DCAF1: variants seen among roughly 807,000 people sequenced by gnomAD.
DCAF1 encodes the protein DDB1 and CUL4 associated factor 1, also known as DDB1- and CUL4-associated factor 1.
A neutral mutation model predicts 128.0 loss-of-function variants in DCAF1; 15 were observed. The ratio of observed to expected loss-of-function variants is 0.12; its 90% CI spans 0.08 to 0.18. DCAF1 has a LOEUF of 0.18. Among genes scored for constraint, DCAF1 ranks in the 10% least tolerant of loss-of-function variants. The pLI, the probability that DCAF1 is intolerant of heterozygous loss-of-function variation, is 1.00. For synonymous variants in DCAF1, 610 were observed against 603.0 expected, an observed-to-expected ratio of 1.01 and a Z score of -0.17; for missense variants, 988 against 1,649.5, an observed-to-expected ratio of 0.60 and a Z score of 6.95.
chr3:51,424,404 AAAAAAAAAAAG>A (rs1406213597), intron 13 of DCAF1, among the ~76,000 whole-genome samples: 1 of 149,332 alleles, frequency 6.7e-6, no homozygotes, highest in Non-Finnish European at 1.5e-5. Flanking sequence ...CTCTGCCTCA[AAAAAAAAAAAG>A]AAAAAAAAAA....
chr3:51,469,891 C>T (rs1364073724), intron 4 of DCAF1, among the ~76,000 whole-genome samples: 1 of 152,062 alleles, frequency 6.6e-6, no homozygotes, highest in African/African-American at 2.4e-5. Context: ...TGTGGTGGTG[C>T]ATGCTTGTAA....
chr3:51,423,426 C>T (rs1340819404), intron 13 of DCAF1, among the ~76,000 whole-genome samples: 6 of 151,246 alleles, frequency 4.0e-5, no homozygotes, highest in African/African-American at 1.5e-4. Flanking sequence ...TGCTTGAACC[C>T]AGGAGGCGGA....
At chr3:51,475,320 G>T (rs565468548) in intron 3 of DCAF1, among the ~76,000 whole-genome samples, 1 of 152,122 alleles carries the variant, frequency 6.6e-6, no homozygotes, top group East Asian at 1.9e-4. Context: ...ATGGCCTCTG[G>T]GCCAGGCACA....
chr3:51,440,390 T>C (rs544946586), intron 9 of DCAF1, among the ~76,000 whole-genome samples: 1 of 151,988 alleles, frequency 6.6e-6, no homozygotes, highest in Admixed American at 6.5e-5. Context: ...AGCAGAAGGA[T>C]TGCTTCAGTC....
chr3:51,404,087 G>A (rs1202083732), intron 23 of DCAF1, among the ~76,000 whole-genome samples: 1 of 152,180 alleles, frequency 6.6e-6, no homozygotes, highest in African/African-American at 2.4e-5. Context: ...TTTGTTCTAG[G>A]GACTCTGGGC....
intron 3 of DCAF1, among the ~76,000 whole-genome samples, chr3:51,481,098 T>C (rs956818229): frequency 4.6e-5 from 7 of 152,192 alleles, no homozygotes; most frequent in African/African-American, 1.7e-4. Context: ...CCCAATATCA[T>C]AGCTGTGAAA....
chr3:51,482,119 A>T (rs1041344316), intron 3 of DCAF1, among the ~76,000 whole-genome samples: 30 of 151,976 alleles, frequency 2.0e-4, no homozygotes, highest in African/African-American at 6.5e-4. Flanking sequence ...TGATAAGCTC[A>T]ATTTTGGACA....
At chr3:51,417,449 G>A (rs530090451) in intron 17 of DCAF1, among the ~76,000 whole-genome samples, 22 of 152,088 alleles carry the variant, frequency 1.4e-4, no homozygotes, top group African/African-American at 3.1e-4. Flanking sequence ...GGCCAGGTGC[G>A]GTGGCTCAGG....
In DCAF1 at chr3:51,440,992, A is replaced by T. The variant is rs1248299327; in HGVS notation, c.1106T>A (p.Leu369Gln). ...YIDLKQTNDV[L>Q]LTFEALKHLA... Reference sequence around the variant, plus strand: ...TACCTTTAGTGCCTCAAATGTAAGCAGGACATCATTAGTTTGCTTCAGGTC... The same window carrying T: ...TACCTTTAGTGCCTCAAATGTAAGCTGGACATCATTAGTTTGCTTCAGGTC... The change falls in exon 9 of 25, where the codon CTG becomes CAG. Residue 369 changes from leucine (L) to glutamine (Q), a missense_variant. By Grantham distance (113) the Leu-to-Gln change is moderately radical. Around this residue, in one of 11 missense-constraint regions of DCAF1, gnomAD observed 185 missense variants for 248.1 expected, o/e 0.75. Transcript: ENST00000684031. The T allele has an allele frequency of 1.2e-6, 2 of 1,613,058 alleles. No homozygotes were observed. The highest frequency in any genetic ancestry group is 1.7e-6 in the Non-Finnish European group (2 of 1,179,506).
At chr3:51,411,384 T>C (rs1027968686) in intron 23 of DCAF1, among the ~76,000 whole-genome samples, 1 of 152,100 alleles carries the variant, frequency 6.6e-6, no homozygotes, top group Non-Finnish European at 1.5e-5. Flanking sequence ...CCCTGGAGAA[T>C]GTACTCTTGG....
intron 22 of DCAF1, 63 bp downstream of exon 22, chr3:51,412,930 A>G (rs1698562065): frequency 3.8e-6 from 6 of 1,595,442 alleles, no homozygotes; most frequent in Admixed American, 1.7e-5. Flanking sequence ...TGTCTGTAGT[A>G]CAACTTGAAA....
intron 3 of DCAF1, among the ~76,000 whole-genome samples, chr3:51,477,609 A>G (rs1373220885): frequency 2.0e-5 from 3 of 150,992 alleles, no homozygotes; most frequent in Non-Finnish European, 3.0e-5. Context: ...CCTTGGGGGG[A>G]AAAAAAAACA....
chr3:51,497,784 G>C (rs1434765026), intron 1 of DCAF1, among the ~76,000 whole-genome samples: 1 of 152,020 alleles, frequency 6.6e-6, no homozygotes, highest in South Asian at 2.1e-4. Flanking sequence ...TCAAGAGGCT[G>C]AGGCAGCAGG....
At chr3:51,485,992 A>G (rs1559573794) in intron 2 of DCAF1, among the ~76,000 whole-genome samples, 1 of 151,210 alleles carries the variant, frequency 6.6e-6, no homozygotes, top group South Asian at 2.1e-4. Flanking sequence ...GCTGGGTTCA[A>G]GCGATTTTCC....
intron 9 of DCAF1, among the ~76,000 whole-genome samples, chr3:51,440,644 G>A (rs1270265008): frequency 1.3e-5 from 2 of 151,494 alleles, no homozygotes; most frequent in African/African-American, 4.9e-5. Flanking sequence ...AGTGGCTCAC[G>A]CCTGTAATCC....
chr3:51,418,730 T>G lies in DCAF1; in HGVS notation c.3383A>C (p.Glu1128Ala). 2 of 1,613,920 alleles carry G rather than the reference T, an allele frequency of 1.2e-6. No individual in the cohort carries two copies. The highest frequency in any genetic ancestry group is 1.7e-6 in the Non-Finnish European group (2 of 1,179,872). Reference sequence around the variant, plus strand: ...TGAGTTGTGACAGTTATAGCTGGCCTCCTCCTGTCCACTAAACACATTATA... The same window carrying G: ...TGAGTTGTGACAGTTATAGCTGGCCGCCTCCTGTCCACTAAACACATTATA... ...KLYNVFSGQE[E>A]ASYNCHNSAI... Residue 1128 changes from glutamate (E) to alanine (A), a missense_variant, in exon 16 of 25, where the codon GAG becomes GCG. Transcript: ENST00000684031.
In DCAF1 at chr3:51,479,060, C is replaced by T. The variant is rs192038356; in HGVS notation, c.110+4659G>A. Among the ~76,000 whole-genome samples the T allele has an allele frequency of 2.4e-3, 368 of 152,228 alleles. 5 individuals carry two copies. The highest frequency in any genetic ancestry group is 3.1e-3 in the East Asian group (16 of 5,188). ...ATCCCCACATTCCAGTGACCTTCTC[C>T]TTAGAAAACCCATGAGCACCCCTCC... On this transcript the variant is annotated intron_variant, in intron 3 of 24. Transcript: ENST00000684031.
At chr3:51,423,936 T>C (rs554471792) in intron 13 of DCAF1, among the ~76,000 whole-genome samples, 1 of 151,764 alleles carries the variant, frequency 6.6e-6, no homozygotes, top group African/African-American at 2.4e-5. Flanking sequence ...AAGAGCACCA[T>C]ATGTGTTAGA....
At chr3:51,466,922 A>G (rs1244537573) in intron 4 of DCAF1, 46 bp from the exon 5 acceptor site, 2 of 1,590,910 alleles carry the variant, frequency 1.3e-6, no homozygotes, top group Non-Finnish European at 8.6e-7. Flanking sequence ...TGAGTAAGTC[A>G]TCCCAGTCAA....
Sources: gnomAD v4.1 joint callset for allele counts (sites outside exome capture counted in the v4.1 genomes callset) on GRCh38, gnomAD v4.1.1 for gene constraint, gnomAD v4.1.1 regional missense constraint, MANE v1.5 for transcripts, NCBI Gene and HGNC (gene_info 2026-07-23, HGNC 2026-07-21) for gene names.